Variants in SUMO2 observed in about 807,000 individuals in gnomAD.
SUMO2 encodes small ubiquitin-related modifier 2.
SUMO2 carries 1 observed loss-of-function variant against 16.0 expected under a neutral mutation model. The ratio of observed to expected loss-of-function variants is 0.06; its 90% CI spans 0.02 to 0.30. The LOEUF is 0.30. Ranked by LOEUF, SUMO2 falls within the 10% of genes least tolerant of loss-of-function variation. The pLI is 1.00. For synonymous variants in SUMO2, 36 were observed against 40.6 expected (o/e 0.89, Z 0.43); for missense variants, 16 against 117.5 (o/e 0.14, Z 3.99).
chr17:75,182,883 G>A lies in SUMO2; in HGVS notation c.-49C>T, dbSNP rs11548468. ...CTGCCGCTTCACAAAAGAGGTACCA[G>A]GTCCGCACCAAACGAGCACACAAGC... On this transcript the variant is annotated 5_prime_UTR_variant, in exon 1 of 4. Coordinates refer to ENST00000420826, the MANE Select transcript of SUMO2 (RefSeq NM_006937.4). 22 of 1,341,022 alleles carry A rather than the reference G, an allele frequency of 1.6e-5. No homozygotes were observed. The highest frequency in any genetic ancestry group is 2.1e-5 in the Non-Finnish European group (22 of 1,037,710). The allele number at this position is 1,341,022 out of a possible 1,614,324, so 83.1% of individuals were successfully genotyped here. A position where few individuals can be genotyped will look rare whatever the true frequency, so the allele number is the denominator to read the frequency against.
At chr17:75,176,631 A>G (rs2074784432) in intron 2 of SUMO2, among the ~76,000 whole-genome samples, 1 of 151,836 alleles carries the variant, frequency 6.6e-6, no homozygotes, top group South Asian at 2.1e-4. Context: ...AACAACAACA[A>G]CAACAAAACC....
At chr17:75,181,530 A>C (rs2074828832) in intron 1 of SUMO2, among the ~76,000 whole-genome samples, 1 of 152,122 alleles carries the variant, frequency 6.6e-6, no homozygotes, top group Non-Finnish European at 1.5e-5. Flanking sequence ...CCCCCCAAAA[A>C]AGTTAAAAAT....
chr17:75,169,706 G>A (rs367783024), intron 3 of SUMO2, among the ~76,000 whole-genome samples: 14 of 152,020 alleles, frequency 9.2e-5, no homozygotes, highest in East Asian at 3.9e-4. Context: ...TAAATTAGCC[G>A]GGCATGGTGG....
intron 3 of SUMO2, among the ~76,000 whole-genome samples, chr17:75,170,178 T>C (rs936332238): frequency 1.3e-5 from 2 of 151,908 alleles, no homozygotes; most frequent in African/African-American, 2.4e-5. Context: ...ATTAAATAAA[T>C]GAAAGCTGAA....
intron 3 of SUMO2, among the ~76,000 whole-genome samples, chr17:75,169,679 G>A (rs576037333): frequency 1.3e-4 from 19 of 151,754 alleles, no homozygotes; most frequent in African/African-American, 3.9e-4. Flanking sequence ...CACTGCACCC[G>A]GCCTAAAAAT....
chr17:75,179,579 T>C (rs1249481598), intron 2 of SUMO2, among the ~76,000 whole-genome samples: 1 of 151,560 alleles, frequency 6.6e-6, no homozygotes, highest in African/African-American at 2.4e-5. Context: ...ACAAGAAGGT[T>C]TACATATCAA....
At chr17:75,178,494 A>ATAAGAGCAAAACTCCAC (rs2074801526) in intron 2 of SUMO2, among the ~76,000 whole-genome samples, 1 of 148,836 alleles carries the variant, frequency 6.7e-6, no homozygotes, top group African/African-American at 2.5e-5. Flanking sequence ...AGCCTGGGCA[A>ATAAGAGCAAAACTCCAC]CAGTGCGAGA....
chr17:75,176,158 G>C (rs1356483649), intron 2 of SUMO2, among the ~76,000 whole-genome samples: 1 of 151,916 alleles, frequency 6.6e-6, no homozygotes, highest in Non-Finnish European at 1.5e-5. Context: ...TCCTGCCTCA[G>C]CCTCCTCAGT....
intron 3 of SUMO2, among the ~76,000 whole-genome samples, chr17:75,169,115 C>A (rs933628196): frequency 1.3e-5 from 2 of 151,216 alleles, no homozygotes; most frequent in Non-Finnish European, 2.9e-5. Context: ...GTCCATACTC[C>A]CAGCTACTCA....
chr17:75,175,384 G>C (rs764605588), intron 2 of SUMO2, among the ~76,000 whole-genome samples: 21 of 151,742 alleles, frequency 1.4e-4, no homozygotes, highest in South Asian at 2.1e-4. Context: ...GCAGTGTCGC[G>C]ATCTCGGCTC....
intron 3 of SUMO2, among the ~76,000 whole-genome samples, chr17:75,172,989 CAG>C (rs1269679550): frequency 6.6e-6 from 1 of 152,150 alleles, no homozygotes; most frequent in Admixed American, 6.6e-5. Flanking sequence ...CAGTACAACT[CAG>C]GGGCTTTTCC....
intron 2 of SUMO2, among the ~76,000 whole-genome samples, chr17:75,177,665 G>A (rs950859889): frequency 1.3e-5 from 2 of 150,266 alleles, no homozygotes; most frequent in African/African-American, 4.9e-5. Flanking sequence ...TCAGTAACAA[G>A]AGGAAAACTC....
In SUMO2 at chr17:75,168,948, G is replaced by A. The variant is rs570630389; in HGVS notation, c.226-547C>T. On this transcript the variant is annotated intron_variant, in intron 3 of 3. Coordinates refer to ENST00000420826, the MANE Select transcript of SUMO2 (RefSeq NM_006937.4). ...AAAAAGCAGAATATTAGCCAGGTGC[G>A]GTGGCTCATGCCTGTAATCCCAGTA... 3.3e-5 allele frequency among the ~76,000 whole-genome samples: 5 copies of A among 151,808 alleles called. No homozygotes were observed. In the Middle Eastern group the frequency reaches 0.01, roughly 310 times the overall value.
At position 75,182,913 on chromosome 17, in the gene SUMO2, C is replaced by A; in HGVS notation, c.-79G>T. 1 of 1,211,546 alleles carries A rather than the reference C, an allele frequency of 8.3e-7. No homozygotes were observed. Among genetic ancestry groups the A allele is most frequent in the Non-Finnish European group, 1.1e-6 (1 of 945,820 alleles). The allele number at this position is 1,211,546 out of a possible 1,614,324, so 75.0% of individuals were successfully genotyped here. A position where few individuals can be genotyped will look rare whatever the true frequency, so the allele number is the denominator to read the frequency against. On this transcript the variant is annotated 5_prime_UTR_variant, in exon 1 of 4. Transcript: ENST00000420826. ...GCACCAAACGAGCACACAAGCAGCA[C>A]CAGGAGCGGCAGAAGAAGGAGGCGG... is the stretch of plus-strand genomic sequence containing the variant.
chr17:75,178,509 CAA>C (rs545816366), intron 2 of SUMO2, among the ~76,000 whole-genome samples: 13 of 74,802 alleles, frequency 1.7e-4, no homozygotes, highest in Admixed American at 4.6e-4. Context: ...GCGAGACTCT[CAA>C]AAAAAAAAAA....
intron 2 of SUMO2, among the ~76,000 whole-genome samples, chr17:75,179,358 A>T (rs920977415): frequency 6.6e-6 from 1 of 152,038 alleles, no homozygotes; most frequent in Non-Finnish European, 1.5e-5. Context: ...GTGAAACCCC[A>T]TCTTGCTGAC....
At chr17:75,178,681 A>G (rs937118105) in intron 2 of SUMO2, among the ~76,000 whole-genome samples, 10 of 151,964 alleles carry the variant, frequency 6.6e-5, no homozygotes, top group African/African-American at 2.4e-4. Context: ...CAATCCTCCC[A>G]CCTCTGTCAC....
intron 2 of SUMO2, among the ~76,000 whole-genome samples, chr17:75,179,470 G>C (rs1483263940): frequency 6.7e-6 from 1 of 148,730 alleles, no homozygotes; most frequent in Non-Finnish European, 1.5e-5. Flanking sequence ...AGAAGTTGCA[G>C]TGAGTCGAGA....
intron 3 of SUMO2, among the ~76,000 whole-genome samples, chr17:75,170,533 G>C (rs2074728971): frequency 6.6e-6 from 1 of 152,046 alleles, no homozygotes; most frequent in Non-Finnish European, 1.5e-5. Flanking sequence ...TTGCCCCACT[G>C]CACTCCAGCC....
Sources: allele counts gnomAD v4.1 joint callset (sites outside exome capture counted in the v4.1 genomes callset), GRCh38; gene constraint gnomAD v4.1.1; transcripts MANE v1.5; gene names NCBI Gene and HGNC (gene_info 2026-07-23, HGNC 2026-07-21).